Variants in SLC26A5 observed in about 807,000 individuals in gnomAD.
SLC26A5 encodes solute carrier family 26 member 5.
A neutral mutation model predicts 81.0 loss-of-function variants in SLC26A5; 51 were observed. That is an observed-to-expected ratio of 0.63 (90% confidence interval 0.50 to 0.80). SLC26A5 has a LOEUF of 0.80. Among genes scored for constraint, SLC26A5 ranks in the 30% least tolerant of loss-of-function variants. The probability of loss-of-function intolerance (pLI) is 0.00; values close to 1 mark genes in which losing one functional copy is unlikely to be tolerated. For synonymous variants in SLC26A5, 325 were observed against 332.8 expected (o/e 0.98, Z 0.25); for missense variants, 771 against 905.8 (o/e 0.85, Z 1.91).
intron 19 of SLC26A5, among the ~76,000 whole-genome samples, chr7:103,358,293 G>C (rs1292301983): frequency 6.6e-6 from 1 of 152,026 alleles, no homozygotes; most frequent in African/African-American, 2.4e-5. Context: ...GTTCTATTTT[G>C]AAATTTCATG....
In SLC26A5 at chr7:103,391,605, G is replaced by A. The variant is rs1822658647; in HGVS notation, c.1233+17C>T. ...CCACCCATATCATCAGGTCTTAGAG[G>A]CCTGTTATGTACATACCTGTGTCTT... On this transcript the variant is annotated intron_variant, in intron 11 of 19. Transcript: ENST00000306312. 1.3e-6 allele frequency: 2 copies of A among 1,583,516 alleles called. No homozygotes were observed. Among genetic ancestry groups the A allele is most frequent in the East Asian group, 4.5e-5 (2 of 44,778 alleles).
intron 12 of SLC26A5, 113 bp downstream of exon 12, chr7:103,390,316 T>A: frequency 2.0e-6 from 2 of 989,182 alleles, no homozygotes; most frequent in Non-Finnish European, 3.2e-6. Flanking sequence ...TCTCATACCA[T>A]CCTGTGAGGG....
chr7:103,439,195 G>A (rs1388020439), intron 2 of SLC26A5, among the ~76,000 whole-genome samples: 2 of 152,164 alleles, frequency 1.3e-5, no homozygotes, highest in East Asian at 1.9e-4. Context: ...AAGGGAAACC[G>A]AAGCCCTCTC....
At chr7:103,397,540 CAAAAAAAAAA>C (rs746669151) in intron 9 of SLC26A5, among the ~76,000 whole-genome samples, 12 of 39,884 alleles carry the variant, frequency 3.0e-4, no homozygotes, top group Non-Finnish European at 4.3e-4. Context: ...GACTCCATCT[CAAAAAAAAAA>C]AAAAAAAAAA....
rs1003403303 is a variant in SLC26A5 at position 103,374,211 on chromosome 7, T to C, written c.*188A>G. On this transcript the variant is annotated 3_prime_UTR_variant, in exon 20 of 20. Transcript: ENST00000306312. ...TAAATGCAGGCAACAGGCCAATTTA[T>C]CTTTGAAGTATTCAATTAAAAAAAC... is the stretch of plus-strand genomic sequence containing the variant. 7.2e-7 allele frequency: 1 copy of C among 1,397,906 alleles called. No individual in the cohort carries two copies. Among genetic ancestry groups the C allele is most frequent in the Admixed American group, 3.1e-5 (1 of 32,400 alleles). 86.6% of individuals were successfully genotyped at this position (1,397,906 alleles called of 1,614,324 possible).
At chr7:103,431,568 C>T (rs545312122) in intron 2 of SLC26A5, among the ~76,000 whole-genome samples, 1 of 152,312 alleles carries the variant, frequency 6.6e-6, no homozygotes, top group Admixed American at 6.5e-5. Flanking sequence ...TCAAGTGATC[C>T]TCCCACCTTG....
intron 2 of SLC26A5, among the ~76,000 whole-genome samples, chr7:103,438,200 G>A (rs538014291): frequency 1.8e-4 from 27 of 152,096 alleles, no homozygotes; most frequent in Non-Finnish European, 3.5e-4. Flanking sequence ...AAAACTAAGA[G>A]TAAATTTCAA....
chr7:103,353,974 G>A (rs1563484491), intron 19 of SLC26A5: 3 of 1,564,038 alleles, frequency 1.9e-6, no homozygotes, highest in South Asian at 2.3e-5. Flanking sequence ...TCCTTTCAGT[G>A]TCTACAAACT....
chr7:103,367,357 C>A lies in SLC26A5; in HGVS notation c.2041+9451G>T. 1.3e-6 allele frequency: 2 copies of A among 1,552,736 alleles called. No homozygotes were observed. The highest frequency in any genetic ancestry group is 1.8e-6 in the Non-Finnish European group (2 of 1,126,904). On this transcript the variant is annotated intron_variant, in intron 19 of 19. Coordinates refer to the SLC26A5 transcript ENST00000339444. This position sits in a 1 kb window ranked among gnomAD's most constrained non-coding sequence, Gnocchi z 6.1. Reference sequence around the variant, plus strand: ...AGATTTTTGGTACTTTCAGGTCATGCATAGTGCTACTCTTGAGTGGACTTG... The same window carrying A: ...AGATTTTTGGTACTTTCAGGTCATGAATAGTGCTACTCTTGAGTGGACTTG...
At chr7:103,364,985 T>TCTC (rs1820631473) in intron 19 of SLC26A5, among the ~76,000 whole-genome samples, 1 of 55,614 alleles carries the variant, frequency 1.8e-5, no homozygotes, top group Non-Finnish European at 4.0e-5. Context: ...ATATATATAT[T>TCTC]TAGAGAATAA....
chr7:103,388,652 T>C, intron 14 of SLC26A5: 1 of 352,270 alleles, frequency 2.8e-6, no homozygotes, highest in Non-Finnish European at 5.6e-6. Flanking sequence ...CTTCATGTCA[T>C]TGAAACTCAT....
chr7:103,354,472 G>A (rs1454507316), intron 19 of SLC26A5, among the ~76,000 whole-genome samples: 2 of 151,072 alleles, frequency 1.3e-5, no homozygotes, highest in Non-Finnish European at 2.9e-5. Context: ...GGGTTCAAGC[G>A]ATTCTCCTGC....
intron 2 of SLC26A5, among the ~76,000 whole-genome samples, chr7:103,440,470 G>A (rs1002078697): frequency 4.6e-5 from 7 of 152,116 alleles, no homozygotes; most frequent in Non-Finnish European, 7.4e-5. Context: ...ACATAAATGG[G>A]CCATTGAGTT....
chr7:103,371,695 ATTT>A (rs72068482), downstream of SLC26A5, among the ~76,000 whole-genome samples: 3 of 127,036 alleles, frequency 2.4e-5, no homozygotes, highest in Admixed American at 8.2e-5. Context: ...ATGTGCAATA[ATTT>A]TTTTTTTTTT....
intron 9 of SLC26A5, 76 bp downstream of exon 9, chr7:103,397,856 G>C: frequency 3.8e-6 from 4 of 1,061,328 alleles, no homozygotes; most frequent in Non-Finnish European, 5.9e-6. Context: ...CATTGCAAGA[G>C]AACTAATGTA....
rs34420602 is a variant in SLC26A5 at position 103,395,343 on chromosome 7, C to CTTT, written c.972-2280_972-2278dup. Among the ~76,000 whole-genome samples, 26 of 105,128 alleles carry CTTT rather than the reference C, an allele frequency of 2.5e-4. 1 individual carries two copies. The highest frequency in any genetic ancestry group is 7.8e-4 in the African/African-American group (21 of 26,998). 69.0% of individuals were successfully genotyped at this position (105,128 alleles called of 152,430 possible). On this transcript the variant is annotated intron_variant, in intron 9 of 19. Coordinates refer to ENST00000306312, the MANE Select transcript of SLC26A5 (RefSeq NM_198999.3). ...TAGCCTGTTTCCAGAAACGTAAGGT[C>CTTT]TTTTTTTTTTTTTTTTTTTAGTTAA... is the stretch of plus-strand genomic sequence containing the variant.
chr7:103,361,208 G>A (rs1820372780), intron 19 of SLC26A5, among the ~76,000 whole-genome samples: 2 of 151,924 alleles, frequency 1.3e-5, no homozygotes, highest in Admixed American at 1.3e-4. Context: ...TAAAGTCCGG[G>A]TGTGGTGGCT....
At chr7:103,398,124 T>A (rs1259655986) in intron 8 of SLC26A5, 110 bp from the exon 9 acceptor site, 1 of 865,078 alleles carries the variant, frequency 1.2e-6, no homozygotes, top group African/African-American at 1.7e-5. Context: ...ACTTTTAACA[T>A]TCAGATTTAA....
At chr7:103,444,127 T>A (rs948549610) in intron 1 of SLC26A5, among the ~76,000 whole-genome samples, 7 of 152,216 alleles carry the variant, frequency 4.6e-5, no homozygotes, top group East Asian at 1.9e-4. Flanking sequence ...AAAGAGTTCA[T>A]GAAATTGGAT....
Sources: allele counts gnomAD v4.1 joint callset (sites outside exome capture counted in the v4.1 genomes callset), GRCh38; gene constraint gnomAD v4.1.1; non-coding constraint Gnocchi (gnomAD v3.1); transcripts MANE v1.5; gene names NCBI Gene and HGNC (gene_info 2026-07-23, HGNC 2026-07-21).